The following MXRA7 variants were observed in gnomAD, a reference collection of about 807,000 sequenced individuals.
MXRA7 encodes matrix remodeling associated 7, also known as matrix-remodeling-associated protein 7.
A neutral mutation model predicts 17.4 loss-of-function variants in MXRA7; 18 were observed. That is an observed-to-expected ratio of 1.03 (90% CI 0.71 to 1.53). The LOEUF is 1.53. Ranked by LOEUF, MXRA7 falls within the 40% of genes most tolerant of loss-of-function variation. The pLI, the probability that MXRA7 is intolerant of heterozygous loss-of-function variation, is 0.00. For missense variants in MXRA7, 141 were observed against 209.3 expected (o/e 0.67, Z 2.01); for synonymous variants, 70 against 101.7 (o/e 0.69, Z 1.87).
exon 4 of MXRA7, chr17:76,673,572 G>T (rs1430806502): frequency 6.6e-6 from 1 of 152,234 alleles, no homozygotes; most frequent in Non-Finnish European, 1.5e-5. Context: ...CCAGAGAGCT[G>T]CCCAGTAGAT....
chr17:76,682,400 T>C (rs1191762571), intron 3 of MXRA7, among the ~76,000 whole-genome samples: 1 of 152,164 alleles, frequency 6.6e-6, no homozygotes, highest in Non-Finnish European at 1.5e-5. Flanking sequence ...CCCTGCTAGC[T>C]GGCCTGTGGT....
intron 2 of MXRA7, among the ~76,000 whole-genome samples, chr17:76,685,534 C>G (rs1304778143): frequency 6.6e-6 from 1 of 152,242 alleles, no homozygotes; most frequent in Non-Finnish European, 1.5e-5. Context: ...ACACACCACG[C>G]CTGCCTGGGC....
chr17:76,680,994 G>T, intron 3 of MXRA7, 115 bp from the exon 4 acceptor site: 2 of 866,290 alleles, frequency 2.3e-6, no homozygotes, highest in African/African-American at 1.7e-5. Context: ...AATTGCAGAA[G>T]CTGCGCTAGA....
chr17:76,702,956 G>A (rs1021753564), intron 1 of MXRA7, among the ~76,000 whole-genome samples: 2 of 122,326 alleles, frequency 1.6e-5, no homozygotes, highest in African/African-American at 5.6e-5. Flanking sequence ...CTATGGAGTA[G>A]GGTTTCCTGC....
At chr17:76,706,318 TCACAAAGGACCACGCTGCCATCA>T (rs2076658635) in intron 1 of MXRA7, among the ~76,000 whole-genome samples, 1 of 91,830 alleles carries the variant, frequency 1.1e-5, no homozygotes, top group Admixed American at 1.1e-4. Flanking sequence ...CACGCTGCCA[TCACAAAGGACCACGCTGCCATCA>T]CAGAGGCCCA....
intron 2 of MXRA7, among the ~76,000 whole-genome samples, chr17:76,685,990 A>G (rs8075298): frequency 0.36 from 54,999 of 152,114 alleles, 10,101 homozygotes; most frequent in Non-Finnish European, 0.38. Flanking sequence ...TGAGGGAGGC[A>G]TAGAGAGATC....
downstream of MXRA7, chr17:76,677,779 C>T (rs117380567): frequency 0.011 from 10,964 of 1,016,274 alleles, 86 homozygotes; most frequent in Middle Eastern, 0.021. Context: ...GTGCAGCCGG[C>T]GGAGTTGGGA....
At chr17:76,708,098 A>G (rs1437711284) in intron 1 of MXRA7, among the ~76,000 whole-genome samples, 4 of 152,102 alleles carry the variant, frequency 2.6e-5, no homozygotes, top group Non-Finnish European at 4.4e-5. Flanking sequence ...GCCCCTCCCC[A>G]CTACTTTGTC....
In MXRA7 at chr17:76,681,175, T is replaced by C. The variant is rs141228477; in HGVS notation, c.501-296A>G. ...GTACTTAAGGAAGGAACTTGGGCATTTGAGTTGCCAAGGGCCTTTCTGATC... is the reference window on the plus strand; with the variant it reads ...GTACTTAAGGAAGGAACTTGGGCATCTGAGTTGCCAAGGGCCTTTCTGATC... On this transcript the variant is annotated intron_variant, in intron 3 of 3. Transcript: ENST00000449428. This position sits in a 1 kb window ranked among gnomAD's most constrained non-coding sequence, Gnocchi z 4.7. Among the ~76,000 whole-genome samples, 71 of 152,308 alleles carry C rather than the reference T, an allele frequency of 4.7e-4. No individual in the cohort carries two copies. The South Asian group carries it at 6.4e-3, about 14-fold the overall frequency.
intron 2 of MXRA7, 110 bp downstream of exon 2, chr17:76,688,003 A>ACCCC: frequency 3.1e-6 from 2 of 641,512 alleles, no homozygotes; most frequent in Non-Finnish European, 5.5e-6. Context: ...CCACTGTCCC[A>ACCCC]CCCCATCCCT....
At chr17:76,706,094 G>T (rs1167810358) in intron 1 of MXRA7, among the ~76,000 whole-genome samples, 1 of 151,958 alleles carries the variant, frequency 6.6e-6, no homozygotes, top group Admixed American at 6.6e-5. Flanking sequence ...CCATCACAAA[G>T]GCCCACGCTG....
intron 1 of MXRA7, among the ~76,000 whole-genome samples, chr17:76,703,292 G>C (rs563601718): frequency 4.3e-4 from 66 of 152,262 alleles, no homozygotes; most frequent in African/African-American, 1.4e-3. Flanking sequence ...GTTCTCACTT[G>C]AAAACATTAA....
At chr17:76,700,943 T>C (rs970690597) in intron 1 of MXRA7, among the ~76,000 whole-genome samples, 3 of 151,394 alleles carry the variant, frequency 2.0e-5, no homozygotes, top group Non-Finnish European at 4.4e-5. Flanking sequence ...AGGGTCCTGA[T>C]GTGGGCGCAG....
chr17:76,676,679 C>G (rs2076243541), downstream of MXRA7: 1 of 152,232 alleles, frequency 6.6e-6, no homozygotes, highest in African/African-American at 2.4e-5. Flanking sequence ...AGGAGAATCA[C>G]TTGAACCCAG....
chr17:76,708,458 C>T (rs1426450326), intron 1 of MXRA7, among the ~76,000 whole-genome samples: 1 of 152,192 alleles, frequency 6.6e-6, no homozygotes, highest in Non-Finnish European at 1.5e-5. Context: ...CCCCACTTCC[C>T]AACCCTGATT....
intron 1 of MXRA7, chr17:76,709,608 A>ACACGCAGG (rs767480963): frequency 6.5e-6 from 1 of 153,202 alleles, no homozygotes; most frequent in Non-Finnish European, 1.5e-5. Context: ...GGGCACGCAG[A>ACACGCAGG]CACGCAGGCA....
At chr17:76,682,423 A>G (rs1345618592) in intron 3 of MXRA7, among the ~76,000 whole-genome samples, 1 of 152,132 alleles carries the variant, frequency 6.6e-6, no homozygotes, top group East Asian at 1.9e-4. Context: ...TAGTGGTTTG[A>G]TAACAACAGG....
chr17:76,678,707 G>A (rs1250890426), downstream of MXRA7, among the ~76,000 whole-genome samples: 1 of 152,156 alleles, frequency 6.6e-6, no homozygotes, highest in East Asian at 1.9e-4. Context: ...CTCTGCAACC[G>A]CAGGACCTCA....
At position 76,681,010 on chromosome 17, in the gene MXRA7, G is replaced by A; in HGVS notation, c.501-131C>T. 1.3e-6 allele frequency: 1 copy of A among 774,622 alleles called. No individual in the cohort carries two copies. The highest frequency in any genetic ancestry group is 2.1e-6 in the Non-Finnish European group (1 of 465,656). 48.0% of individuals were successfully genotyped at this position (774,622 alleles called of 1,614,324 possible). A position where few individuals can be genotyped will look rare whatever the true frequency, so the allele number is the denominator to read the frequency against. ...ATTGCAGAAGCTGCGCTAGACTCTG[G>A]TTTCTCAAACCACTGCTGATTTGCT... On this transcript the variant is annotated intron_variant, in intron 3 of 3. Coordinates refer to ENST00000449428, the MANE Select transcript of MXRA7 (RefSeq NM_198530.4). The surrounding 1 kb of genome is among the most constrained non-coding windows in gnomAD (Gnocchi z 4.7).
Sources: gnomAD v4.1 joint callset for allele counts (sites outside exome capture counted in the v4.1 genomes callset) on GRCh38, gnomAD v4.1.1 for gene constraint, Gnocchi (gnomAD v3.1) non-coding constraint, MANE v1.5 for transcripts, NCBI Gene and HGNC (gene_info 2026-07-23, HGNC 2026-07-21) for gene names.